The following GMDS variants were observed in gnomAD, a reference collection of about 807,000 sequenced individuals.
GMDS encodes the protein GDP-mannose 4,6 dehydratase.
In GMDS, 20 loss-of-function variants were observed where a neutral mutation model predicts 49.9. The observed-to-expected ratio is 0.40, with a 90% CI of 0.28 to 0.58. The LOEUF (loss-of-function observed/expected upper bound fraction) is 0.58. Ranked by LOEUF, GMDS falls within the 20% of genes least tolerant of loss-of-function variation. The pLI, the probability that GMDS is intolerant of heterozygous loss-of-function variation, is 0.42. For synonymous variants in GMDS, 177 were observed against 178.6 expected (o/e 0.99, Z 0.07); for missense variants, 362 against 481.4 (o/e 0.75, Z 2.32).
intron 9 of GMDS, among the ~76,000 whole-genome samples, chr6:1,671,528 A>T (rs1228838104): frequency 3.3e-5 from 5 of 152,176 alleles, no homozygotes; most frequent in Non-Finnish European, 5.9e-5. Flanking sequence ...GTAAACCACC[A>T]AGCAAATACG....
At chr6:2,000,835 T>C (rs1766771707) in intron 4 of GMDS, among the ~76,000 whole-genome samples, 1 of 152,236 alleles carries the variant, frequency 6.6e-6, no homozygotes, top group African/African-American at 2.4e-5. Flanking sequence ...CCTTCATTCC[T>C]TTCTAAGAAA....
intron 8 of GMDS, among the ~76,000 whole-genome samples, chr6:1,736,477 C>T (rs1405321124): frequency 6.6e-6 from 1 of 152,156 alleles, no homozygotes; most frequent in Non-Finnish European, 1.5e-5. Context: ...AGAGTCTCTC[C>T]AGAAAGTTCT....
intron 4 of GMDS, among the ~76,000 whole-genome samples, chr6:1,979,366 T>C (rs1445188978): frequency 6.6e-6 from 1 of 152,112 alleles, no homozygotes. Context: ...AGAGCTAAGC[T>C]AAAAAACATG....
At chr6:2,225,218 T>C (rs927782452) in intron 1 of GMDS, among the ~76,000 whole-genome samples, 13 of 151,610 alleles carry the variant, frequency 8.6e-5, no homozygotes, top group Admixed American at 5.3e-4. Flanking sequence ...TGGTCCCAGC[T>C]ACTCGGGAGG....
At chr6:1,751,853 C>T (rs925424190) in intron 7 of GMDS, among the ~76,000 whole-genome samples, 4 of 152,148 alleles carry the variant, frequency 2.6e-5, no homozygotes, top group Non-Finnish European at 5.9e-5. Context: ...ACAAAAAGAA[C>T]GTCCACACAA....
chr6:1,743,507 C>A (rs5017129), intron 7 of GMDS, among the ~76,000 whole-genome samples: 49,513 of 129,154 alleles, frequency 0.38, 10,212 homozygotes, highest in East Asian at 0.61. Flanking sequence ...CGCGCCACTG[C>A]ACTCCAGCCT....
intron 4 of GMDS, among the ~76,000 whole-genome samples, chr6:2,078,763 C>G (rs188176536): frequency 6.6e-6 from 1 of 152,134 alleles, no homozygotes; most frequent in East Asian, 1.9e-4. Context: ...CTGTAAATAT[C>G]TGTTGAGTCC....
chr6:2,194,538 ACTTT>A (rs1779201313), intron 1 of GMDS, among the ~76,000 whole-genome samples: 1 of 152,234 alleles, frequency 6.6e-6, no homozygotes, highest in African/African-American at 2.4e-5. Flanking sequence ...TTACTTCCTT[ACTTT>A]ATCAATCATG....
At chr6:2,097,370 C>T (rs1216953910) in intron 4 of GMDS, among the ~76,000 whole-genome samples, 1 of 151,062 alleles carries the variant, frequency 6.6e-6, no homozygotes, top group Non-Finnish European at 1.5e-5. Flanking sequence ...GATGGTGGTG[C>T]GGGGGTGGCT....
At chr6:1,713,657 G>C (rs978266453) in intron 9 of GMDS, among the ~76,000 whole-genome samples, 7 of 152,188 alleles carry the variant, frequency 4.6e-5, no homozygotes, top group African/African-American at 1.7e-4. Flanking sequence ...GCATTTTACA[G>C]TTGTGCCAAA....
At chr6:2,039,009 C>T (rs1396148009) in intron 4 of GMDS, among the ~76,000 whole-genome samples, 1 of 152,090 alleles carries the variant, frequency 6.6e-6, no homozygotes, top group Non-Finnish European at 1.5e-5. Flanking sequence ...ATCGTGCAAA[C>T]ATCATGGAGT....
chr6:1,956,073 G>T (rs1763620182), intron 6 of GMDS, among the ~76,000 whole-genome samples: 1 of 152,196 alleles, frequency 6.6e-6, no homozygotes, highest in African/African-American at 2.4e-5. Context: ...CTTAAGGACT[G>T]GCTCACTATG....
intron 6 of GMDS, among the ~76,000 whole-genome samples, chr6:1,957,233 T>G (rs1373347112): frequency 6.6e-6 from 1 of 152,214 alleles, no homozygotes; most frequent in Non-Finnish European, 1.5e-5. Context: ...TCCTGAAACA[T>G]GAGATATTAA....
intron 7 of GMDS, among the ~76,000 whole-genome samples, chr6:1,914,967 G>C (rs1761298427): frequency 6.6e-6 from 1 of 152,230 alleles, no homozygotes; most frequent in Non-Finnish European, 1.5e-5. Context: ...GATACCTTGG[G>C]AGGTCTGCAA....
chr6:2,212,222 T>C (rs140634320), intron 1 of GMDS, among the ~76,000 whole-genome samples: 126 of 152,316 alleles, frequency 8.3e-4, no homozygotes, highest in African/African-American at 3.0e-3. Flanking sequence ...AAAATAGCAA[T>C]ATCTCAACTA....
chr6:1,906,671 CG>C (rs1219409166), intron 7 of GMDS, among the ~76,000 whole-genome samples: 1 of 152,090 alleles, frequency 6.6e-6, no homozygotes, highest in African/African-American at 2.4e-5. Flanking sequence ...GTGAAGCCTA[CG>C]GGTCCTGGGT....
intron 7 of GMDS, among the ~76,000 whole-genome samples, chr6:1,913,903 G>C (rs1377117712): frequency 1.3e-5 from 2 of 152,146 alleles, no homozygotes; most frequent in Admixed American, 6.5e-5. Flanking sequence ...ATGTAAATAA[G>C]GCAAGCTTAA....
chr6:1,666,204 G>A (rs1207348350), intron 9 of GMDS, among the ~76,000 whole-genome samples: 1 of 152,144 alleles, frequency 6.6e-6, no homozygotes, highest in East Asian at 1.9e-4. Flanking sequence ...GGGTCAAGTC[G>A]CTCTGAGATC....
intron 9 of GMDS, among the ~76,000 whole-genome samples, chr6:1,711,839 TG>T (rs544832198): frequency 2.1e-4 from 32 of 152,306 alleles, no homozygotes; most frequent in Middle Eastern, 3.4e-3. Flanking sequence ...AGGAATGAGC[TG>T]GGTGGAGGGA....
Sources: gnomAD v4.1 joint callset for allele counts (sites outside exome capture counted in the v4.1 genomes callset) on GRCh38, gnomAD v4.1.1 for gene constraint, MANE v1.5 for transcripts, NCBI Gene and HGNC (gene_info 2026-07-23, HGNC 2026-07-21) for gene names.